Variants in ZNF445 observed in about 807,000 individuals in gnomAD.
ZNF445 encodes the protein zinc finger protein 445.
In ZNF445, 19 loss-of-function variants were observed where a neutral mutation model predicts 93.9. That is an observed-to-expected ratio of 0.20 (90% CI 0.14 to 0.30). The LOEUF is 0.30. Ranked by LOEUF, ZNF445 falls within the 10% of genes least tolerant of loss-of-function variation. The probability of loss-of-function intolerance (pLI) is 1.00; values close to 1 mark genes in which losing one functional copy is unlikely to be tolerated. For synonymous variants in ZNF445, 449 were observed against 446.3 expected (o/e 1.01, Z -0.08); for missense variants, 1,058 against 1,259.4 (o/e 0.84, Z 2.42).
intron 1 of ZNF445, 124 bp downstream of exon 1, chr3:44,477,467 G>C (rs1698383476): frequency 1.3e-5 from 2 of 151,712 alleles, no homozygotes; most frequent in Non-Finnish European, 1.5e-5. Flanking sequence ...CCCCCGCCAC[G>C]GGCGCAGCCT....
intron 1 of ZNF445, among the ~76,000 whole-genome samples, chr3:44,461,120 T>A (rs1000875844): frequency 6.6e-6 from 1 of 152,158 alleles, no homozygotes; most frequent in Non-Finnish European, 1.5e-5. Flanking sequence ...AGTGTCTGCA[T>A]TGGTGAGTAT....
rs1290855812 is a variant in ZNF445 at position 44,437,287 on chromosome 3, T to TATCA, written c.*9284_*9287dup. On this transcript the variant is annotated 3_prime_UTR_variant, in exon 8 of 8. Coordinates refer to ENST00000396077, the MANE Select transcript of ZNF445 (RefSeq NM_181489.6). ...CTGGCTTCTTTACTGCAACCTGCTT[T>TATCA]ATCAGCAAGGTCTTTGTGGCCTGGA... The TATCA allele has an allele frequency of 6.6e-6, 1 of 152,180 alleles. No homozygotes were observed. The highest frequency in any genetic ancestry group is 1.5e-5 in the Non-Finnish European group (1 of 68,034). The allele number at this position is 152,180 out of a possible 1,614,324, so 9.4% of individuals were successfully genotyped here. A position where few individuals can be genotyped will look rare whatever the true frequency, so the allele number is the denominator to read the frequency against.
chr3:44,472,315 G>A (rs1350624114), intron 1 of ZNF445, among the ~76,000 whole-genome samples: 1 of 152,222 alleles, frequency 6.6e-6, no homozygotes, highest in East Asian at 1.9e-4. Context: ...AGCAGCTGCT[G>A]CACAAATGTC....
At chr3:44,453,694 GAGA>G (rs1697987032) in intron 3 of ZNF445, among the ~76,000 whole-genome samples, 1 of 152,194 alleles carries the variant, frequency 6.6e-6, no homozygotes, top group Non-Finnish European at 1.5e-5. Context: ...CTGTGTGCAG[GAGA>G]AGGGCAGGAA....
Position 44,452,029 on chromosome 3 carries a change from G to A in ZNF445, c.430-547C>T, listed in dbSNP as rs17076738. On this transcript the variant is annotated intron_variant, in intron 3 of 7. Transcript: ENST00000396077. ...CTGATAGAGAGGCAATGCTAATCAT[G>A]AGAGTCAGCCATGGAACCATAGAAG... is the stretch of plus-strand genomic sequence containing the variant. Among the ~76,000 whole-genome samples, 690 of 152,290 alleles carry A rather than the reference G, an allele frequency of 4.5e-3. 3 individuals are homozygous for A. Among genetic ancestry groups the A allele is most frequent in the Middle Eastern group, 0.014 (4 of 294 alleles).
chr3:44,448,002 G>A lies in ZNF445; in HGVS notation c.1669C>T (p.Arg557Cys), dbSNP rs1697903101. 1.9e-6 allele frequency: 3 copies of A among 1,611,270 alleles called. No individual in the cohort carries two copies. The highest frequency in any genetic ancestry group is 2.5e-6 in the Non-Finnish European group (3 of 1,179,934). ...TTAGCATGGGTTTCTCGGTGCAGACGGTAGGCTGACAGGCGTCGGAAAGCT... is the reference window on the plus strand; with the variant it reads ...TTAGCATGGGTTTCTCGGTGCAGACAGTAGGCTGACAGGCGTCGGAAAGCT... ...EKAFRRLSAYRLHRETHAKKK... is the reference protein window; with the variant it reads ...EKAFRRLSAYCLHRETHAKKK... The change falls in exon 8 of 8, where the codon CGT (arginine) becomes TGT (cysteine). Residue 557 changes from arginine (R) to cysteine (C), a missense_variant. By Grantham distance (180) the Arg-to-Cys change is radical. Around this residue, in one of 3 missense-constraint regions of ZNF445, gnomAD observed 657 missense variants for 746.4 expected, o/e 0.88. Transcript: ENST00000396077.
chr3:44,460,021 G>A (rs1698087680), intron 1 of ZNF445, among the ~76,000 whole-genome samples: 1 of 152,076 alleles, frequency 6.6e-6, no homozygotes, highest in Admixed American at 6.6e-5. Flanking sequence ...GGGCAACACA[G>A]CAAGACTCCG....
rs1491374835 is a variant in ZNF445 at position 44,439,454 on chromosome 3, A to AGG, written c.*7120_*7121insCC. On this transcript the variant is annotated 3_prime_UTR_variant, in exon 8 of 8. Transcript: ENST00000396077. The stretch of plus-strand genomic sequence containing the variant: ...GGCAAAAGGTGGTTAACTAACACTC[A>AGG]AAGTCTCATTGTGACCCTCCCTTCT... 1 of 152,228 alleles carries AGG rather than the reference A, an allele frequency of 6.6e-6. No homozygotes were observed. The highest frequency in any genetic ancestry group is 1.9e-4 in the East Asian group (1 of 5,196). 9.4% of individuals were successfully genotyped at this position (152,228 alleles called of 1,614,324 possible).
intron 1 of ZNF445, among the ~76,000 whole-genome samples, chr3:44,471,721 C>A (rs1242560739): frequency 6.6e-6 from 1 of 152,124 alleles, no homozygotes; most frequent in Non-Finnish European, 1.5e-5. Context: ...GAAACTACAG[C>A]CCTACTCTAT....
In ZNF445 at chr3:44,432,310, G is replaced by GTGT. The variant is rs1697573325; in HGVS notation, c.*14264_*14265insACA. The stretch of plus-strand genomic sequence containing the variant: ...GTGTGTGTGTGTGTGTGTGTGTGTG[G>GTGT]ATGGAGATAGAGAGAGAGGGATTTA... On this transcript the variant is annotated 3_prime_UTR_variant, in exon 8 of 8. Coordinates refer to ENST00000396077, the MANE Select transcript of ZNF445 (RefSeq NM_181489.6). The GTGT allele has an allele frequency of 4.3e-5, 5 of 115,952 alleles. No individual in the cohort carries two copies. The highest frequency in any genetic ancestry group is 8.3e-5 in the Admixed American group (1 of 12,038). The allele number at this position is 115,952 out of a possible 1,614,324, so 7.2% of individuals were successfully genotyped here. A position where few individuals can be genotyped will look rare whatever the true frequency, so the allele number is the denominator to read the frequency against.
At chr3:44,454,525 AC>A (rs1698000826) in intron 3 of ZNF445, among the ~76,000 whole-genome samples, 2 of 152,144 alleles carry the variant, frequency 1.3e-5, no homozygotes, top group African/African-American at 2.4e-5. Context: ...CCTTGACCTA[AC>A]CTGGGTTCAA....
chr3:44,473,453 T>TCTCACACA (rs1491338197), intron 1 of ZNF445, among the ~76,000 whole-genome samples: 6 of 60,862 alleles, frequency 9.9e-5, no homozygotes, highest in African/African-American at 4.9e-4. Flanking sequence ...AAACTCCACT[T>TCTCACACA]CACACACACA....
chr3:44,462,182 A>C (rs913110640), intron 1 of ZNF445, among the ~76,000 whole-genome samples: 1 of 152,230 alleles, frequency 6.6e-6, no homozygotes, highest in African/African-American at 2.4e-5. Context: ...TAGGACCCCT[A>C]TAAGTCCACT....
At position 44,455,600 on chromosome 3, in the gene ZNF445, A is replaced by G. The variant is rs781228626; in HGVS notation, c.-51T>C. 7 of 1,504,524 alleles carry G rather than the reference A, an allele frequency of 4.7e-6. No homozygotes were observed. In the South Asian group the frequency reaches 9.3e-5, roughly 20 times the overall value. The allele number at this position is 1,504,524 out of a possible 1,614,324, so 93.2% of individuals were successfully genotyped here. A position where few individuals can be genotyped will look rare whatever the true frequency, so the allele number is the denominator to read the frequency against. ...AGAGTGCGAACCAAGTCCACCTTAG[A>G]CGTGGGTCCTCAGAAGTATCTTCTC... On this transcript the variant is annotated 5_prime_UTR_variant, in exon 3 of 8. Transcript: ENST00000396077.
Position 44,432,267 on chromosome 3 carries a change from GTGTGTC to G in ZNF445, c.*14302_*14307del, listed in dbSNP as rs1328182769. ...AACACATCTACACTCATTTGTGTGT[GTGTGTC>G]TGTGTGTGTGTGTGTGTGTGTGTGT... On this transcript the variant is annotated 3_prime_UTR_variant, in exon 8 of 8. Coordinates refer to ENST00000396077, the MANE Select transcript of ZNF445 (RefSeq NM_181489.6). 33 of 128,282 alleles carry G rather than the reference GTGTGTC, an allele frequency of 2.6e-4. No homozygotes were observed. The highest frequency in any genetic ancestry group is 3.8e-3 in the Middle Eastern group (1 of 260). 7.9% of individuals were successfully genotyped at this position (128,282 alleles called of 1,614,324 possible).
intron 6 of ZNF445, 78 bp downstream of exon 6, chr3:44,450,369 A>G (rs1697940040): frequency 1.3e-6 from 2 of 1,587,222 alleles, no homozygotes; most frequent in East Asian, 2.2e-5. Flanking sequence ...CAGGTCAGGT[A>G]CCTTTCTATG....
chr3:44,448,210 G>A lies in ZNF445; in HGVS notation c.1461C>T (p.Cys487=). ...SLHTVGVSFK[C]SDCGRTFSHS... ...GACTGAAAGTCCTTCCACAGTCACT[G>A]CACTTAAATGACACTCCCACTGTGT... The change falls in exon 8 of 8, where the codon TGC becomes TGT. Residue 487 remains cysteine, a synonymous_variant. Coordinates refer to ENST00000396077, the MANE Select transcript of ZNF445 (RefSeq NM_181489.6). The A allele has an allele frequency of 1.2e-6, 2 of 1,614,206 alleles. No individual in the cohort carries two copies. Among genetic ancestry groups the A allele is most frequent in the Non-Finnish European group, 1.7e-6 (2 of 1,180,040 alleles).
rs1385294463 is a variant in ZNF445 at position 44,436,326 on chromosome 3, TCAC to T, written c.*10246_*10248del. The T allele has an allele frequency of 6.6e-6, 1 of 152,212 alleles. No individual in the cohort carries two copies. The highest frequency in any genetic ancestry group is 3.1e-3 in the Middle Eastern group (1 of 318). The allele number at this position is 152,212 out of a possible 1,614,324, so 9.4% of individuals were successfully genotyped here. On this transcript the variant is annotated 3_prime_UTR_variant, in exon 8 of 8. Transcript: ENST00000396077. ...GCTTTGGCTGCACTGTCCATGGCAG[TCAC>T]CACACCAATTGTGTTTTTGGTGACT...
chr3:44,467,450 T>C (rs1434337633), intron 1 of ZNF445, among the ~76,000 whole-genome samples: 1 of 152,160 alleles, frequency 6.6e-6, no homozygotes. Context: ...TCATACCTTG[T>C]CCACACAGAG....
Sources: allele counts gnomAD v4.1 joint callset (sites outside exome capture counted in the v4.1 genomes callset), GRCh38; gene constraint gnomAD v4.1.1; regional missense constraint gnomAD v4.1.1; transcripts MANE v1.5; gene names NCBI Gene and HGNC (gene_info 2026-07-23, HGNC 2026-07-21).